The following TAF1B variants were observed in gnomAD, a reference collection of about 807,000 sequenced individuals.
TAF1B encodes the protein TATA box-binding protein-associated factor RNA polymerase I subunit B.
TAF1B carries 61 observed loss-of-function variants against 83.9 expected under a neutral mutation model. That is an observed-to-expected ratio of 0.73 (90% CI 0.59 to 0.90). The LOEUF (loss-of-function observed/expected upper bound fraction) is 0.90. TAF1B is among the 40% of genes least tolerant of loss of function. The pLI, the probability that TAF1B is intolerant of heterozygous loss-of-function variation, is 0.00. For missense variants in TAF1B, 625 were observed against 677.0 expected (o/e 0.92, Z 0.85); for synonymous variants, 221 against 224.6 (o/e 0.98, Z 0.14).
intron 6 of TAF1B, among the ~76,000 whole-genome samples, chr2:9,870,804 ACTGAG>A (rs1664145409): frequency 6.6e-6 from 1 of 151,908 alleles, no homozygotes; most frequent in African/African-American, 2.4e-5. Context: ...CATTATTTAG[ACTGAG>A]CTGTATAGCT....
chr2:9,870,332 A>C (rs1664128205), intron 6 of TAF1B, among the ~76,000 whole-genome samples: 1 of 152,184 alleles, frequency 6.6e-6, no homozygotes, highest in Non-Finnish European at 1.5e-5. Context: ...CTCTCAAAAA[A>C]TAAAAATTAG....
chr2:9,849,409 A>C lies in TAF1B; in HGVS notation c.154A>C (p.Asn52His), dbSNP rs377410792. The C allele has an allele frequency of 1.4e-5, 22 of 1,597,722 alleles. No individual in the cohort carries two copies. The highest frequency in any genetic ancestry group is 1.8e-5 in the Non-Finnish European group (21 of 1,173,242). The change falls in exon 3 of 15, where the codon AAT becomes CAT. Residue 52 changes from asparagine (N) to histidine (H), a missense_variant. Physicochemically the swap from Asn to His is moderately conservative, Grantham distance 68. Coordinates refer to ENST00000263663, the MANE Select transcript of TAF1B (RefSeq NM_005680.3). Reference protein sequence around the residue: ...QEVTNTDLIPNTQIKALNRGL... With the variant: ...QEVTNTDLIPHTQIKALNRGL... Reference sequence around the variant, plus strand: ...AGTTACAAACACTGATCTTATTCCTAATACCCAAATAAAAGCCCTCAACCG... The same window carrying C: ...AGTTACAAACACTGATCTTATTCCTCATACCCAAATAAAAGCCCTCAACCG...
chr2:9,846,277 C>T (rs948954133), intron 2 of TAF1B: 4 of 365,028 alleles, frequency 1.1e-5, no homozygotes, highest in South Asian at 4.3e-5. Flanking sequence ...CCTTGGTAAA[C>T]GAGGCTACCT....
chr2:9,917,519 T>C (rs923740956), intron 12 of TAF1B, among the ~76,000 whole-genome samples: 7 of 152,254 alleles, frequency 4.6e-5, no homozygotes, highest in African/African-American at 1.4e-4. Flanking sequence ...ATAATAATTC[T>C]AATTATTGTA....
At position 9,868,272 on chromosome 2, in the gene TAF1B, A is replaced by C; in HGVS notation, c.400-4A>C. The stretch of plus-strand genomic sequence containing the variant: ...TAATTTTATTTATATTGTTTTGCAA[A>C]CAGGTATTAGAAGATAATCTAAGTC... On this transcript the variant is annotated splice_polypyrimidine_tract_variant and splice_region_variant and intron_variant, in intron 5 of 14. Coordinates refer to ENST00000263663, the MANE Select transcript of TAF1B (RefSeq NM_005680.3). 1 of 1,613,724 alleles carries C rather than the reference A, an allele frequency of 6.2e-7. No individual in the cohort carries two copies. The highest frequency in any genetic ancestry group is 8.5e-7 in the Non-Finnish European group (1 of 1,179,846).
intron 2 of TAF1B, among the ~76,000 whole-genome samples, chr2:9,847,807 T>G (rs1292155377): frequency 2.0e-5 from 3 of 152,176 alleles, no homozygotes; most frequent in South Asian, 2.1e-4. Flanking sequence ...ATTTGGAAAT[T>G]GTGAAGATGA....
chr2:9,851,219 T>C (rs540484502), intron 3 of TAF1B, among the ~76,000 whole-genome samples: 1 of 152,162 alleles, frequency 6.6e-6, no homozygotes, highest in Non-Finnish European at 1.5e-5. Context: ...TTTAACATGG[T>C]GACTATTCAT....
intron 5 of TAF1B, among the ~76,000 whole-genome samples, chr2:9,863,647 A>T (rs1663856791): frequency 6.6e-6 from 1 of 152,188 alleles, no homozygotes; most frequent in Non-Finnish European, 1.5e-5. Context: ...AATATACATT[A>T]TTTTCAGCAC....
chr2:9,915,174 T>C (rs1178155714), intron 12 of TAF1B, among the ~76,000 whole-genome samples: 2 of 152,268 alleles, frequency 1.3e-5, no homozygotes, highest in South Asian at 4.1e-4. Context: ...CCCTAATTGG[T>C]GTATAGTGAT....
At chr2:9,919,506 A>G in intron 13 of TAF1B, 92 bp from the exon 14 acceptor site, 2 of 1,136,608 alleles carry the variant, frequency 1.8e-6, no homozygotes, top group Non-Finnish European at 2.6e-6. Flanking sequence ...CTAAGGAACC[A>G]ATATTGGTAC....
intron 6 of TAF1B, among the ~76,000 whole-genome samples, chr2:9,873,107 A>G (rs1290217597): frequency 6.6e-6 from 1 of 152,190 alleles, no homozygotes; most frequent in Non-Finnish European, 1.5e-5. Context: ...TTTCACTGGG[A>G]TGAAATCTTC....
At chr2:9,907,460 C>T (rs905487092) in intron 9 of TAF1B, among the ~76,000 whole-genome samples, 2 of 151,922 alleles carry the variant, frequency 1.3e-5, no homozygotes, top group East Asian at 1.9e-4. Flanking sequence ...AAGCTAAAAG[C>T]GGTTTTAAAC....
chr2:9,845,828 C>T, intron 2 of TAF1B: 1 of 279,700 alleles, frequency 3.6e-6, no homozygotes, highest in Non-Finnish European at 7.0e-6. Flanking sequence ...ACTAAAAATA[C>T]AACAATTAGC....
At chr2:9,925,490 G>A (rs1398748061) in intron 14 of TAF1B, among the ~76,000 whole-genome samples, 4 of 152,128 alleles carry the variant, frequency 2.6e-5, no homozygotes, top group Non-Finnish European at 5.9e-5. Flanking sequence ...TTACAGATGA[G>A]AGAACCAAGA....
intron 9 of TAF1B, among the ~76,000 whole-genome samples, chr2:9,907,933 A>G (rs1019395003): frequency 3.4e-5 from 5 of 145,584 alleles, no homozygotes; most frequent in African/African-American, 1.3e-4. Context: ...CCAAGACCCT[A>G]TACTGTTCTT....
chr2:9,920,923 A>G (rs1281681276), intron 14 of TAF1B, among the ~76,000 whole-genome samples: 1 of 152,222 alleles, frequency 6.6e-6, no homozygotes, highest in East Asian at 1.9e-4. Flanking sequence ...TTGTATGTCT[A>G]AATAGTAAGA....
chr2:9,882,580 G>A (rs570710344), intron 7 of TAF1B, 126 bp from the exon 8 acceptor site: 212 of 522,678 alleles, frequency 4.1e-4, no homozygotes, highest in African/African-American at 3.9e-3. Context: ...CCTTAAAATC[G>A]TGGGAAATAG....
intron 7 of TAF1B, among the ~76,000 whole-genome samples, chr2:9,882,320 G>A (rs1030092005): frequency 5.3e-5 from 8 of 151,962 alleles, no homozygotes; most frequent in Admixed American, 2.0e-4. Flanking sequence ...GGCTGGTCTC[G>A]GACTCCTGAC....
rs1214743584 is a variant in TAF1B, at chr2:9,910,923, C to T, written c.1133+10C>T. ...ATGACAGTTTCGAGTGGTAAGTGTA[C>T]GTCAATTTTATGACAAGTAACATTT... On this transcript the variant is annotated intron_variant, in intron 10 of 14. Transcript: ENST00000263663. 1.9e-6 allele frequency: 3 copies of T among 1,600,574 alleles called. No homozygotes were observed. The highest frequency in any genetic ancestry group is 1.7e-5 in the Admixed American group (1 of 57,598).
Sources: gnomAD v4.1 joint callset for allele counts (sites outside exome capture counted in the v4.1 genomes callset) on GRCh38, gnomAD v4.1.1 for gene constraint, MANE v1.5 for transcripts, NCBI Gene and HGNC (gene_info 2026-07-23, HGNC 2026-07-21) for gene names.